The following FGFR3 variants were observed in gnomAD, a reference collection of about 807,000 sequenced individuals.
FGFR3 encodes the protein FGFR-3.
In FGFR3, 25 loss-of-function variants were observed where a neutral mutation model predicts 82.9. The observed-to-expected ratio is 0.30, with a 90% CI of 0.22 to 0.42. FGFR3 has a LOEUF of 0.42. Among genes scored for constraint, FGFR3 ranks in the 10% least tolerant of loss-of-function variants. The pLI, the probability that FGFR3 is intolerant of heterozygous loss-of-function variation, is 1.00. For missense variants in FGFR3, 1,026 were observed against 1,161.0 expected, an observed-to-expected ratio of 0.88 and a Z score of 1.69; for synonymous variants, 620 against 516.0, an observed-to-expected ratio of 1.20 and a Z score of -2.73.
chr4:1,795,529 G>A (rs989053952), intron 2 of FGFR3, among the ~76,000 whole-genome samples: 1 of 152,294 alleles, frequency 6.6e-6, no homozygotes, highest in East Asian at 1.9e-4. Context: ...AGATGGGCCG[G>A]GCAGTAAAAA....
At chr4:1,803,569 G>T (rs3135883) in intron 7 of FGFR3, 123 bp from the exon 8 acceptor site, 1 of 1,492,270 alleles carries the variant, frequency 6.7e-7, no homozygotes, top group Non-Finnish European at 9.0e-7. Context: ...CAAGTTGGCG[G>T]TGGCTGAGGA....
chr4:1,797,596 A>G (rs1286091851), intron 2 of FGFR3, among the ~76,000 whole-genome samples: 1 of 152,180 alleles, frequency 6.6e-6, no homozygotes, highest in African/African-American at 2.4e-5. Flanking sequence ...CCTGCAGCTG[A>G]GGCTGCCATA....
In FGFR3 at chr4:1,801,634, G is replaced by C; in HGVS notation, c.630G>C (p.Gln210His). 2.5e-6 allele frequency: 4 copies of C among 1,610,692 alleles called. No individual in the cohort carries two copies. The South Asian group carries it at 3.3e-5, about 13-fold the overall frequency. ...RIGGIKLRHQ[Q>H]WSLVMESVVP... is the part of the protein sequence containing the mutation. The stretch of plus-strand genomic sequence containing the variant: ...TCCCGGTGCAGCTGCGGCATCAGCA[G>C]TGGAGCCTGGTCATGGAAAGCGTGG... Residue 210 changes from glutamine to histidine, a missense_variant, in exon 6 of 18, where the codon CAG becomes CAC. Physicochemically the swap from Gln to His is conservative, Grantham distance 24. This residue lies in a region of FGFR3 where 147 missense variants were observed against 228.1 expected (regional missense o/e 0.64). Coordinates refer to ENST00000440486, the MANE Select transcript of FGFR3 (RefSeq NM_000142.5).
chr4:1,804,179 A>G lies in FGFR3; in HGVS notation c.1076-151A>G. ...CTGGCCCTCTAGACTCACTGGCGTT[A>G]CTGACTGCGAGACCCTCCAGACAAG... On this transcript the variant is annotated intron_variant, in intron 8 of 17. Coordinates refer to ENST00000440486, the MANE Select transcript of FGFR3 (RefSeq NM_000142.5). 1.0e-5 allele frequency: 9 copies of G among 886,094 alleles called. No individual in the cohort carries two copies. The South Asian group carries it at 1.3e-4, about 13-fold the overall frequency. 54.9% of individuals were successfully genotyped at this position (886,094 alleles called of 1,614,324 possible).
At chr4:1,801,192 G>GC (rs1464645723) in intron 4 of FGFR3, among the ~76,000 whole-genome samples, 175 bp from the exon 5 acceptor site, 5 of 152,196 alleles carry the variant, frequency 3.3e-5, no homozygotes, top group African/African-American at 9.6e-5. Flanking sequence ...CTCTGAGAAA[G>GC]CCCCGGGGAG....
At chr4:1,795,141 C>T (rs1484536013) in intron 2 of FGFR3, among the ~76,000 whole-genome samples, 2 of 151,920 alleles carry the variant, frequency 1.3e-5, no homozygotes, top group East Asian at 3.9e-4. Context: ...GAAAGTGGCC[C>T]GGCGCTTGAA....
At chr4:1,802,210 G>A (rs909216664) in intron 7 of FGFR3, among the ~76,000 whole-genome samples, 185 bp downstream of exon 7, 2 of 152,194 alleles carry the variant, frequency 1.3e-5, no homozygotes, top group Non-Finnish European at 2.9e-5. Flanking sequence ...AGGCAGCTGC[G>A]TTGGGACCCG....
rs749977192 is a variant in FGFR3 at position 1,794,007 on chromosome 4, T to C, written c.73T>C (p.Leu25=). Residue 25 remains leucine, a synonymous_variant, in exon 2 of 18, where the codon TTG becomes CTG. Coordinates refer to ENST00000440486, the MANE Select transcript of FGFR3 (RefSeq NM_000142.5). ...CGTGGCCGGCGCCTCCTCGGAGTCC[T>C]TGGGGACGGAGCAGCGCGTCGTGGG... The part of the protein sequence containing the change: ...AIVAGASSES[L]GTEQRVVGRA... 1.4e-6 allele frequency: 2 copies of C among 1,413,594 alleles called. No individual in the cohort carries two copies. Among genetic ancestry groups the C allele is most frequent in the South Asian group, 3.1e-5 (2 of 63,666 alleles). 87.6% of individuals were successfully genotyped at this position (1,413,594 alleles called of 1,614,324 possible).
chr4:1,806,919 C>A lies in FGFR3; in HGVS notation c.2259C>A (p.Thr753=). The change falls in exon 17 of 18, where the codon ACC becomes ACA. Residue 753 remains threonine, a synonymous_variant. Transcript: ENST00000440486. ...TGGAGGACCTGGACCGTGTCCTTAC[C>A]GTGACGTCCACCGACGTGAGTGCTG... ...QLVEDLDRVL[T]VTSTDEYLDL... 1.9e-6 allele frequency: 3 copies of A among 1,609,290 alleles called. No homozygotes were observed. Among genetic ancestry groups the A allele is most frequent in the Non-Finnish European group, 2.5e-6 (3 of 1,178,578 alleles).
At chr4:1,793,784 CTT>C (rs1282701462) in intron 1 of FGFR3, 47 bp from the exon 2 acceptor site, 1 of 164,662 alleles carries the variant, frequency 6.1e-6, no homozygotes, top group Non-Finnish European at 1.3e-5. Flanking sequence ...GCCACCGCCG[CTT>C]TCGTCCCTGT....
chr4:1,803,082 T>A, intron 7 of FGFR3: 1 of 1,551,314 alleles, frequency 6.4e-7, no homozygotes, highest in Non-Finnish European at 8.7e-7. Flanking sequence ...CTCTGTCCCA[T>A]GCCGGCCGGC....
At chr4:1,796,452 C>T (rs1027069275) in intron 2 of FGFR3, among the ~76,000 whole-genome samples, 2 of 152,124 alleles carry the variant, frequency 1.3e-5, no homozygotes, top group Non-Finnish European at 2.9e-5. Context: ...TCCTGTACCC[C>T]AGAGAGCTGC....
rs192433202 is a variant in FGFR3, at chr4:1,805,684, G to A, written c.1645+15G>A. On this transcript the variant is annotated intron_variant, in intron 12 of 17. Transcript: ENST00000440486. ...CACGCAGGGCGGTAGGTGCGGTAGC[G>A]GCGGTGGTGCCGGCTGGGCGGCCCT... 1,534 of 1,611,434 alleles carry A rather than the reference G, an allele frequency of 9.5e-4. 8 individuals carry two copies. The African/African-American group carries it at 0.017, about 18-fold the overall frequency.
chr4:1,795,911 C>A lies in FGFR3; in HGVS notation c.109+1868C>A, dbSNP rs112235531. Among the ~76,000 whole-genome samples, 826 of 152,308 alleles carry A rather than the reference C, an allele frequency of 5.4e-3. 9 individuals are homozygous for A. The highest frequency in any genetic ancestry group is 0.019 in the African/African-American group (806 of 41,570). On this transcript the variant is annotated intron_variant, in intron 2 of 17. Transcript: ENST00000440486. Reference sequence around the variant, plus strand: ...CCTCTGGGTGGTTCATTAACCTGGGCTGAGCCTGGCCTCCAGGTCCTTGTG... The same window carrying A: ...CCTCTGGGTGGTTCATTAACCTGGGATGAGCCTGGCCTCCAGGTCCTTGTG...
chr4:1,803,085 C>T (rs371697160), intron 7 of FGFR3: 753 of 1,545,130 alleles, frequency 4.9e-4, no homozygotes, highest in Non-Finnish European at 5.7e-4. Context: ...TGTCCCATGC[C>T]GGCCGGCACA....
chr4:1,802,168 C>G lies in FGFR3; in HGVS notation c.930+143C>G, dbSNP rs926839685. 9 of 883,872 alleles carry G rather than the reference C, an allele frequency of 1.0e-5. No individual in the cohort carries two copies. The Admixed American group carries it at 1.9e-4, about 19-fold the overall frequency. The allele number at this position is 883,872 out of a possible 1,614,324, so 54.8% of individuals were successfully genotyped here. A position where few individuals can be genotyped will look rare whatever the true frequency, so the allele number is the denominator to read the frequency against. ...GAAGCTGTGGGGGTGCTTGTGGGGCCAAGTCTCAGCCACCCCACACCTCAG... is the reference window on the plus strand; with the variant it reads ...GAAGCTGTGGGGGTGCTTGTGGGGCGAAGTCTCAGCCACCCCACACCTCAG... On this transcript the variant is annotated intron_variant, in intron 7 of 17. Transcript: ENST00000440486.
chr4:1,808,294 C>T lies in FGFR3; in HGVS notation c.*1032C>T. On this transcript the variant is annotated 3_prime_UTR_variant, in exon 18 of 18. Transcript: ENST00000440486. ...CGGAGCTGGAGGATCCCCTCCAAGCCTAAAAGGTTGTTAATAGTTGGAGGT... is the reference window on the plus strand; with the variant it reads ...CGGAGCTGGAGGATCCCCTCCAAGCTTAAAAGGTTGTTAATAGTTGGAGGT... 1 of 232,836 alleles carries T rather than the reference C, an allele frequency of 4.3e-6. No homozygotes were observed. The highest frequency in any genetic ancestry group is 8.5e-6 in the Non-Finnish European group (1 of 117,672). 14.4% of individuals were successfully genotyped at this position (232,836 alleles called of 1,614,324 possible). A position where few individuals can be genotyped will look rare whatever the true frequency, so the allele number is the denominator to read the frequency against.
chr4:1,799,871 C>T, intron 4 of FGFR3, 59 bp downstream of exon 4: 1 of 1,582,792 alleles, frequency 6.3e-7, no homozygotes, highest in South Asian at 1.1e-5. Flanking sequence ...CACCGCCAAG[C>T]CCTGCCCTTC....
chr4:1,796,312 T>C (rs894137501), intron 2 of FGFR3, among the ~76,000 whole-genome samples: 9 of 152,168 alleles, frequency 5.9e-5, no homozygotes, highest in African/African-American at 2.2e-4. Flanking sequence ...AAGCCCTCTT[T>C]AGCCTGCCCA....
Sources: allele counts gnomAD v4.1 joint callset (sites outside exome capture counted in the v4.1 genomes callset), GRCh38; gene constraint gnomAD v4.1.1; regional missense constraint gnomAD v4.1.1; transcripts MANE v1.5; gene names NCBI Gene and HGNC (gene_info 2026-07-23, HGNC 2026-07-21).